Variants in SGCZ observed in about 807,000 individuals in gnomAD.
SGCZ encodes zeta-sarcoglycan.
A neutral mutation model predicts 41.3 loss-of-function variants in SGCZ; 40 were observed. That is an observed-to-expected ratio of 0.97 (90% confidence interval 0.75 to 1.26). The LOEUF is 1.26. Ranked by LOEUF, SGCZ falls within the 50% of genes most tolerant of loss-of-function variation. The pLI is 0.00. For synonymous variants in SGCZ, 206 were observed against 137.5 expected, an observed-to-expected ratio of 1.50 and a Z score of -3.49; for missense variants, 552 against 369.8, an observed-to-expected ratio of 1.49 and a Z score of -4.04.
intron 1 of SGCZ, among the ~76,000 whole-genome samples, chr8:15,079,033 G>A (rs547852430): frequency 1.3e-5 from 2 of 152,150 alleles, no homozygotes; most frequent in Admixed American, 1.3e-4. Flanking sequence ...TGGCTTTATA[G>A]ATCCAAATCC....
chr8:14,323,379 C>T (rs1801993866), intron 3 of SGCZ, among the ~76,000 whole-genome samples: 1 of 151,958 alleles, frequency 6.6e-6, no homozygotes, highest in Non-Finnish European at 1.5e-5. Context: ...ATTTCCATTA[C>T]TTCTCTCTTA....
intron 4 of SGCZ, among the ~76,000 whole-genome samples, chr8:14,176,438 AGT>A (rs1804543755): frequency 6.6e-6 from 1 of 152,220 alleles, no homozygotes; most frequent in Non-Finnish European, 1.5e-5. Context: ...GTAATTAGTA[AGT>A]GTTTCAAACT....
chr8:14,364,677 T>A (rs1196006875), intron 2 of SGCZ, among the ~76,000 whole-genome samples: 3 of 152,194 alleles, frequency 2.0e-5, no homozygotes, highest in African/African-American at 7.2e-5. Flanking sequence ...TCCCTTTTTG[T>A]ACCATTTGCA....
At chr8:15,109,155 G>C (rs773304746) in intron 1 of SGCZ, among the ~76,000 whole-genome samples, 13 of 152,088 alleles carry the variant, frequency 8.5e-5, no homozygotes, top group South Asian at 2.1e-4. Flanking sequence ...GTAAAATCTT[G>C]ATTTTTCTTG....
At chr8:14,456,364 C>G (rs1424407708) in intron 2 of SGCZ, among the ~76,000 whole-genome samples, 1 of 152,124 alleles carries the variant, frequency 6.6e-6, no homozygotes, top group African/African-American at 2.4e-5. Flanking sequence ...GCCAAGACTG[C>G]ACCATTGCAC....
chr8:14,356,040 T>A (rs898815243), intron 2 of SGCZ, among the ~76,000 whole-genome samples: 1 of 152,182 alleles, frequency 6.6e-6, no homozygotes, highest in Admixed American at 6.5e-5. Flanking sequence ...CAGTTTCATA[T>A]TCTCTCATAA....
chr8:14,381,348 A>C (rs2117191058), intron 2 of SGCZ, among the ~76,000 whole-genome samples: 1 of 152,344 alleles, frequency 6.6e-6, no homozygotes, highest in Admixed American at 6.5e-5. Context: ...TACAATCAGA[A>C]ATTATTCAGG....
intron 5 of SGCZ, among the ~76,000 whole-genome samples, chr8:14,160,051 G>A (rs1342268399): frequency 6.6e-6 from 1 of 152,146 alleles, no homozygotes; most frequent in Non-Finnish European, 1.5e-5. Flanking sequence ...AGGGCACTGG[G>A]TAGATGCAGA....
intron 1 of SGCZ, among the ~76,000 whole-genome samples, chr8:15,140,023 C>CA (rs1303816602): frequency 6.7e-6 from 1 of 148,528 alleles, no homozygotes; most frequent in African/African-American, 2.5e-5. Context: ...GTTATAAAGC[C>CA]TTTTTTTTTT....
intron 1 of SGCZ, among the ~76,000 whole-genome samples, chr8:14,930,382 T>G (rs974806866): frequency 4.1e-4 from 63 of 152,054 alleles, no homozygotes; most frequent in Non-Finnish European, 5.0e-4. Context: ...TTTTACACTA[T>G]TGATGGGAGT....
chr8:15,196,478 T>C (rs1585663225), intron 1 of SGCZ, among the ~76,000 whole-genome samples: 1 of 152,284 alleles, frequency 6.6e-6, no homozygotes, highest in East Asian at 1.9e-4. Flanking sequence ...GAAAAGAATA[T>C]GATAACATAG....
chr8:15,135,927 C>T (rs189631451), intron 1 of SGCZ, among the ~76,000 whole-genome samples: 2 of 152,254 alleles, frequency 1.3e-5, no homozygotes, highest in East Asian at 3.9e-4. Context: ...ATATTTATAC[C>T]TACTTTTAAT....
At chr8:15,193,994 A>T (rs1800628994) in intron 1 of SGCZ, among the ~76,000 whole-genome samples, 1 of 152,148 alleles carries the variant, frequency 6.6e-6, no homozygotes, top group South Asian at 2.1e-4. Context: ...TCTACTCTAT[A>T]ACTAGCCAGT....
chr8:15,102,450 G>C (rs962746918), intron 1 of SGCZ, among the ~76,000 whole-genome samples: 3 of 152,154 alleles, frequency 2.0e-5, no homozygotes, highest in Non-Finnish European at 4.4e-5. Context: ...ATGAATAAAT[G>C]ACATTATGCA....
At chr8:14,629,925 G>T (rs887752496) in intron 1 of SGCZ, among the ~76,000 whole-genome samples, 1 of 152,066 alleles carries the variant, frequency 6.6e-6, no homozygotes, top group Non-Finnish European at 1.5e-5. Flanking sequence ...AGTGGTGTTT[G>T]CAGTTACTTG....
intron 2 of SGCZ, among the ~76,000 whole-genome samples, chr8:14,549,591 C>G (rs1482102835): frequency 1.3e-5 from 2 of 152,052 alleles, no homozygotes. Context: ...TAAATAAGAA[C>G]AGCTTCTGCT....
intron 1 of SGCZ, among the ~76,000 whole-genome samples, chr8:15,104,769 G>A (rs1806756239): frequency 6.6e-6 from 1 of 151,978 alleles, no homozygotes; most frequent in Non-Finnish European, 1.5e-5. Context: ...AATGACTATG[G>A]AACACTCCAT....
intron 1 of SGCZ, among the ~76,000 whole-genome samples, chr8:15,113,056 A>C (rs1489591773): frequency 6.6e-6 from 1 of 152,052 alleles, no homozygotes; most frequent in Non-Finnish European, 1.5e-5. Flanking sequence ...AAAAAATACA[A>C]AAATTAGCCA....
intron 3 of SGCZ, among the ~76,000 whole-genome samples, chr8:14,281,983 A>G (rs182517084): frequency 6.6e-6 from 1 of 152,232 alleles, no homozygotes; most frequent in East Asian, 1.9e-4. Context: ...TACAACATTG[A>G]TCTAACCAAA....
Sources: gnomAD v4.1 joint callset for allele counts (sites outside exome capture counted in the v4.1 genomes callset) on GRCh38, gnomAD v4.1.1 for gene constraint, MANE v1.5 for transcripts, NCBI Gene and HGNC (gene_info 2026-07-23, HGNC 2026-07-21) for gene names.